CFAP92: variants seen among roughly 807,000 people sequenced by gnomAD.
CFAP92 encodes cilia and flagella associated protein 92 (putative), also known as uncharacterized protein CFAP92.
CFAP92 carries 86 observed loss-of-function variants against 106.3 expected under a neutral mutation model. The ratio of observed to expected loss-of-function variants is 0.81; its 90% CI spans 0.68 to 0.97. CFAP92 has a LOEUF of 0.97. Ranked by LOEUF, CFAP92 falls within the 50% of genes least tolerant of loss-of-function variation. The probability of loss-of-function intolerance (pLI) is 0.00; values close to 1 mark genes in which losing one functional copy is unlikely to be tolerated. For synonymous variants in CFAP92, 477 were observed against 506.4 expected (o/e 0.94, Z 0.78); for missense variants, 1,204 against 1,283.8 (o/e 0.94, Z 0.95).
At chr3:128,923,742 A>G (rs944517607) in intron 12 of CFAP92, among the ~76,000 whole-genome samples, 1 of 152,230 alleles carries the variant, frequency 6.6e-6, no homozygotes, top group Non-Finnish European at 1.5e-5. Flanking sequence ...TTTGGATTCA[A>G]AGTTGTGTTC....
At chr3:128,921,427 C>T (rs1407723362) in intron 12 of CFAP92, among the ~76,000 whole-genome samples, 1 of 152,208 alleles carries the variant, frequency 6.6e-6, no homozygotes, top group South Asian at 2.1e-4. Flanking sequence ...TGTCAAACTG[C>T]TATTAGACCC....
intron 7 of CFAP92, among the ~76,000 whole-genome samples, chr3:128,972,773 T>G (rs1051994611): frequency 1.3e-5 from 2 of 151,452 alleles, no homozygotes; most frequent in African/African-American, 4.9e-5. Context: ...GAGAATCACT[T>G]GAACCTGGGA....
chr3:128,981,418 C>T (rs375131182), intron 4 of CFAP92, among the ~76,000 whole-genome samples: 2 of 151,966 alleles, frequency 1.3e-5, no homozygotes, highest in East Asian at 3.9e-4. Context: ...GCAACCTCCA[C>T]CTCCCAGGTT....
chr3:128,989,775 T>C (rs1283012541), intron 2 of CFAP92, among the ~76,000 whole-genome samples: 4 of 152,220 alleles, frequency 2.6e-5, no homozygotes, highest in Admixed American at 2.6e-4. Flanking sequence ...CAGCATTAAT[T>C]TTTCTGCTAC....
intron 2 of CFAP92, chr3:128,991,709 G>A (rs961600407): frequency 1.6e-5 from 16 of 984,434 alleles, no homozygotes; most frequent in Non-Finnish European, 2.0e-5. Flanking sequence ...GGCGTTCATT[G>A]AAACAGCATG....
chr3:129,001,497 G>T, intron 1 of CFAP92: 1 of 1,290,110 alleles, frequency 7.8e-7, no homozygotes, highest in Non-Finnish European at 9.9e-7. Flanking sequence ...GCTGGACACG[G>T]TCCCCGGCGC....
chr3:128,975,768 T>A lies in CFAP92; in HGVS notation c.1021+11A>T. ...TATATTATAAAATTCCCAAATCCTA[T>A]CCTAACTTACTTTGAGACCTTTGTC... On this transcript the variant is annotated intron_variant, in intron 7 of 15. Transcript: ENST00000645291. 6.3e-7 allele frequency: 1 copy of A among 1,575,354 alleles called. No homozygotes were observed. The highest frequency in any genetic ancestry group is 8.6e-7 in the Non-Finnish European group (1 of 1,161,790).
Position 128,916,192 on chromosome 3 carries a change from G to A in CFAP92, c.2831C>T (p.Ala944Val). The change falls in exon 13 of 16, where the codon GCC becomes GTC. Residue 944 changes from alanine to valine, a missense_variant. By Grantham distance (64) the Ala-to-Val change is moderately conservative. Coordinates refer to ENST00000645291, the MANE Select transcript of CFAP92 (RefSeq NM_001394090.1). ...ACTATAGTTGTAGACGGCCTTGTTG[G>A]CAGGGGCTGAAATTTTAATCACCTT... is the stretch of plus-strand genomic sequence containing the variant. The part of the protein sequence containing the change: ...VAKVIKISAP[A>V]NKAVYNYSTQ... 8.1e-7 allele frequency: 1 copy of A among 1,232,080 alleles called. No individual in the cohort carries two copies. 76.3% of individuals were successfully genotyped at this position (1,232,080 alleles called of 1,614,324 possible).
At chr3:128,974,112 A>G (rs1942995791) in intron 7 of CFAP92, among the ~76,000 whole-genome samples, 1 of 152,220 alleles carries the variant, frequency 6.6e-6, no homozygotes. Flanking sequence ...GACCGTAGGA[A>G]TAGGAATGAG....
intron 15 of CFAP92, chr3:128,912,479 A>T (rs1352077329): frequency 6.3e-7 from 1 of 1,593,640 alleles, no homozygotes; most frequent in South Asian, 1.1e-5. Flanking sequence ...CAGAAAGATC[A>T]CCCACCATCT....
chr3:129,021,968 G>A, the CFAP92 span, among the ~76,000 whole-genome samples: 2 of 152,144 alleles, frequency 1.3e-5, no homozygotes, highest in African/African-American at 2.4e-5. Context: ...GTAGAAAGAG[G>A]GCGTCAGTGT....
intron 15 of CFAP92, chr3:128,912,454 T>C (rs1179280295): frequency 2.0e-6 from 3 of 1,537,518 alleles, no homozygotes; most frequent in African/African-American, 1.4e-5. Context: ...CAGCCATGTT[T>C]GTCTTATCAC....
chr3:128,927,419 G>A (rs1220037001), intron 12 of CFAP92, among the ~76,000 whole-genome samples: 1 of 151,966 alleles, frequency 6.6e-6, no homozygotes, highest in Non-Finnish European at 1.5e-5. Flanking sequence ...CAAGATCAAT[G>A]GACAAAAAAT....
intron 1 of CFAP92, 108 bp from the exon 2 acceptor site, chr3:128,993,444 C>G (rs758461175): frequency 1.7e-6 from 2 of 1,194,480 alleles, no homozygotes; most frequent in Non-Finnish European, 2.3e-6. Flanking sequence ...CTGCTTCCCC[C>G]GCCTGCTCCT....
At position 128,932,882 on chromosome 3, in the gene CFAP92, G is replaced by C. The variant is rs1039134086; in HGVS notation, c.2569C>G (p.Gln857Glu). Residue 857 changes from glutamine to glutamate, a missense_variant, in exon 12 of 16, where the codon CAA becomes GAA. By Grantham distance (29) the Gln-to-Glu change is conservative. Coordinates refer to ENST00000645291, the MANE Select transcript of CFAP92 (RefSeq NM_001394090.1). Reference protein sequence around the residue: ...LSQEFGMPLSQEELTDEKLFA... With the variant: ...LSQEFGMPLSEEELTDEKLFA... The stretch of plus-strand genomic sequence containing the variant: ...AGTTTCTCATCTGTGAGTTCTTCTT[G>C]CGAAAGGGGCATCCCAAACTCTTGG... The C allele has an allele frequency of 2.6e-6, 4 of 1,536,192 alleles. No individual in the cohort carries two copies. The highest frequency in any genetic ancestry group is 2.0e-5 in the Admixed American group (1 of 51,002).
intron 9 of CFAP92, among the ~76,000 whole-genome samples, chr3:128,960,539 C>T (rs1214645180): frequency 1.3e-5 from 2 of 152,200 alleles, no homozygotes; most frequent in Non-Finnish European, 2.9e-5. Flanking sequence ...AAAAGAGACA[C>T]GTTTTATCCG....
intron 4 of CFAP92, among the ~76,000 whole-genome samples, chr3:128,980,944 T>C (rs1379750364): frequency 2.6e-5 from 4 of 151,992 alleles, no homozygotes; most frequent in Non-Finnish European, 4.4e-5. Flanking sequence ...TCTTCCAAAC[T>C]CCTGTTAATG....
rs1436234773 is a variant in CFAP92, at chr3:129,002,049, A to C, written n.117+525T>G. 6.5e-7 allele frequency: 1 copy of C among 1,540,700 alleles called. No individual in the cohort carries two copies. The highest frequency in any genetic ancestry group is 8.7e-7 in the Non-Finnish European group (1 of 1,143,252). ...GCTGCGCGCCGAGCCGCCGGAGCTC[A>C]CCTTCCGCCAGTTCCACGCGCGCCT... On this transcript the variant is annotated intron_variant and non_coding_transcript_variant, in intron 1 of 4. Transcript: ENST00000510149.
intron 2 of CFAP92, chr3:128,991,342 A>C (rs1944200169): frequency 6.6e-6 from 1 of 152,428 alleles, no homozygotes; most frequent in African/African-American, 2.4e-5. Flanking sequence ...AGTTCTAAAC[A>C]TACTATACAC....
Sources: allele counts gnomAD v4.1 joint callset (sites outside exome capture counted in the v4.1 genomes callset), GRCh38; gene constraint gnomAD v4.1.1; transcripts MANE v1.5; gene names NCBI Gene and HGNC (gene_info 2026-07-23, HGNC 2026-07-21).